The following PCDHGB2 variants were observed in gnomAD, a reference collection of about 807,000 sequenced individuals.
PCDHGB2 encodes protocadherin gamma subfamily B, 2.
In PCDHGB2, 55 loss-of-function variants were observed where a neutral mutation model predicts 59.3. That is an observed-to-expected ratio of 0.93 (90% CI 0.75 to 1.16). PCDHGB2 has a LOEUF of 1.16. Ranked by LOEUF, PCDHGB2 falls within the 50% of genes most tolerant of loss-of-function variation. The pLI, the probability that PCDHGB2 is intolerant of heterozygous loss-of-function variation, is 0.00. For synonymous variants in PCDHGB2, 516 were observed against 512.0 expected, an observed-to-expected ratio of 1.01 and a Z score of -0.11; for missense variants, 1,228 against 1,198.5, an observed-to-expected ratio of 1.02 and a Z score of -0.36.
intron 1 of PCDHGB2, chr5:141,398,508 T>C: frequency 6.2e-7 from 1 of 1,601,476 alleles, no homozygotes; most frequent in Admixed American, 1.7e-5. Context: ...AGGACATTAA[T>C]GACCACACGC....
At chr5:141,468,403 A>C (rs2099166784) in intron 1 of PCDHGB2, 1 of 152,088 alleles carries the variant, frequency 6.6e-6, no homozygotes, top group African/African-American at 2.4e-5. Flanking sequence ...GGTGAGAACT[A>C]ATAATAAGTT....
intron 2 of PCDHGB2, among the ~76,000 whole-genome samples, chr5:141,502,337 T>C (rs1562205634): frequency 6.6e-6 from 1 of 152,184 alleles, no homozygotes; most frequent in Admixed American, 6.5e-5. Flanking sequence ...CCCAGTCTTT[T>C]TATTTTTTTA....
rs749817501 is a variant in PCDHGB2 at position 141,423,756 on chromosome 5, G to GT, written c.2421+61200_2421+61201insT. ...GCCTGTTATGAAAACTGTTTGGGGGGGGGGTGGGGCGGCATATATTTAGTT... is the reference window on the plus strand; with the variant it reads ...GCCTGTTATGAAAACTGTTTGGGGGGTGGGGTGGGGCGGCATATATTTAGTT... On this transcript the variant is annotated intron_variant, in intron 1 of 3. Transcript: ENST00000522605. 9 of 448,538 alleles carry GT rather than the reference G, an allele frequency of 2.0e-5. 1 individual carries two copies. Among genetic ancestry groups the GT allele is most frequent in the African/African-American group, 2.8e-5 (1 of 35,670 alleles). 27.8% of individuals were successfully genotyped at this position (448,538 alleles called of 1,614,324 possible).
At chr5:141,384,270 C>T in intron 1 of PCDHGB2, 1 of 1,613,890 alleles carries the variant, frequency 6.2e-7, no homozygotes, top group Non-Finnish European at 8.5e-7. Flanking sequence ...ACTCATCCTA[C>T]TCAGTCTACA....
At chr5:141,376,549 TC>T in intron 1 of PCDHGB2, 1 of 1,612,110 alleles carries the variant, frequency 6.2e-7, no homozygotes, top group South Asian at 1.1e-5. Context: ...AATCTGATCT[TC>T]CCGCAACCCA....
Position 141,431,351 on chromosome 5 carries a change from C to T in PCDHGB2, c.2422-63456C>T, listed in dbSNP as rs1411192998. On this transcript the variant is annotated intron_variant, in intron 1 of 3. Coordinates refer to ENST00000522605, the MANE Select transcript of PCDHGB2 (RefSeq NM_018923.3). The surrounding 1 kb of genome is among the most constrained non-coding windows in gnomAD (Gnocchi z 4.8). ...TAAGTACCCCGAATTGGTGCTGAAACGCGCCCTGGACCGCGAAGAAAAGGC... is the reference window on the plus strand; with the variant it reads ...TAAGTACCCCGAATTGGTGCTGAAATGCGCCCTGGACCGCGAAGAAAAGGC... The T allele has an allele frequency of 1.9e-6, 3 of 1,613,946 alleles. No homozygotes were observed. Among genetic ancestry groups the T allele is most frequent in the African/African-American group, 2.7e-5 (2 of 74,938 alleles).
Position 141,389,832 on chromosome 5 carries a change from C to T in PCDHGB2, c.2421+27276C>T, listed in dbSNP as rs758113562. ...GGTCGCCGTGCGTGACGGTGGACAG[C>T]CACCACTCTCGGCCACTGCCACGTT... On this transcript the variant is annotated intron_variant, in intron 1 of 3. Coordinates refer to ENST00000522605, the MANE Select transcript of PCDHGB2 (RefSeq NM_018923.3). The T allele has an allele frequency of 2.2e-5, 36 of 1,613,848 alleles. 1 individual carries two copies. The South Asian group carries it at 3.8e-4, about 17-fold the overall frequency.
intron 1 of PCDHGB2, among the ~76,000 whole-genome samples, chr5:141,463,489 C>T (rs1190438683): frequency 7.2e-6 from 1 of 138,270 alleles, no homozygotes; most frequent in African/African-American, 2.8e-5. Context: ...CGCTCTGTCA[C>T]CCAGGCTGGA....
At chr5:141,446,079 A>T (rs2098487021) in intron 1 of PCDHGB2, among the ~76,000 whole-genome samples, 1 of 152,234 alleles carries the variant, frequency 6.6e-6, no homozygotes, top group Non-Finnish European at 1.5e-5. Context: ...CAGTGGATGT[A>T]GAAATAAATG....
intron 1 of PCDHGB2, chr5:141,364,809 C>A: frequency 6.2e-7 from 1 of 1,613,952 alleles, no homozygotes; most frequent in Non-Finnish European, 8.5e-7. Flanking sequence ...GCGCGGGATG[C>A]GGATGTGGGT....
chr5:141,383,734 T>C (rs1249029357), intron 1 of PCDHGB2: 2 of 1,613,994 alleles, frequency 1.2e-6, no homozygotes, highest in East Asian at 4.5e-5. Context: ...GGAAGTGACA[T>C]ATTCTTTTCG....
intron 1 of PCDHGB2, chr5:141,408,182 C>G: frequency 6.5e-7 from 1 of 1,537,898 alleles, no homozygotes; most frequent in Non-Finnish European, 8.8e-7. Flanking sequence ...AGCGGGGACC[C>G]AGCGAGAACC....
chr5:141,508,935 A>T (rs180987868), intron 3 of PCDHGB2, among the ~76,000 whole-genome samples: 2 of 152,118 alleles, frequency 1.3e-5, no homozygotes, highest in Non-Finnish European at 2.9e-5. Context: ...GGAGTTAATT[A>T]GGGAAAACAG....
At chr5:141,448,488 C>A (rs568050769) in intron 1 of PCDHGB2, among the ~76,000 whole-genome samples, 1 of 152,280 alleles carries the variant, frequency 6.6e-6, no homozygotes, top group African/African-American at 2.4e-5. Context: ...TTCCTCCTGT[C>A]CCCTGTAGGT....
At chr5:141,393,886 A>G (rs944974638) in intron 1 of PCDHGB2, 3 of 1,614,034 alleles carry the variant, frequency 1.9e-6, no homozygotes, top group Admixed American at 1.7e-5. Context: ...CCAGTGTTAG[A>G]AAATTCTCTT....
At chr5:141,381,831 T>C (rs1313642722) in intron 1 of PCDHGB2, among the ~76,000 whole-genome samples, 7 of 136,370 alleles carry the variant, frequency 5.1e-5, no homozygotes, top group African/African-American at 2.0e-4. Context: ...TTCTTCTTTT[T>C]TTTTTTTTTT....
chr5:141,478,040 C>G (rs773058963), intron 1 of PCDHGB2: 1 of 1,614,160 alleles, frequency 6.2e-7, no homozygotes, highest in Non-Finnish European at 8.5e-7. Context: ...TTCACCCAGG[C>G]AGACTCTCAC....
chr5:141,489,971 C>A lies in PCDHGB2; in HGVS notation c.2422-4836C>A, dbSNP rs1254025468. 1 of 1,614,060 alleles carries A rather than the reference C, an allele frequency of 6.2e-7. No homozygotes were observed. The highest frequency in any genetic ancestry group is 1.3e-5 in the African/African-American group (1 of 74,944). Reference sequence around the variant, plus strand: ...AATGATAATGCTCCAACCTTCCAATCCTCAGTTCTACGTGTGGGAATCCCA... The same window carrying A: ...AATGATAATGCTCCAACCTTCCAATACTCAGTTCTACGTGTGGGAATCCCA... On this transcript the variant is annotated intron_variant, in intron 1 of 3. Transcript: ENST00000522605. The surrounding 1 kb of genome is among the most constrained non-coding windows in gnomAD (Gnocchi z 4.5).
intron 1 of PCDHGB2, chr5:141,478,686 GA>G (rs2099472024): frequency 6.4e-7 from 1 of 1,551,134 alleles, no homozygotes; most frequent in South Asian, 1.2e-5. Context: ...GCCCTTCCTA[GA>G]TCAAAGTTAG....
Sources: allele counts gnomAD v4.1 joint callset (sites outside exome capture counted in the v4.1 genomes callset), GRCh38; gene constraint gnomAD v4.1.1; non-coding constraint Gnocchi (gnomAD v3.1); transcripts MANE v1.5; gene names NCBI Gene and HGNC (gene_info 2026-07-23, HGNC 2026-07-21).